The following OPCML variants were observed in gnomAD, a reference collection of about 807,000 sequenced individuals.
OPCML encodes opioid-binding protein/cell adhesion molecule.
In OPCML, 13 loss-of-function variants were observed where a neutral mutation model predicts 37.8. That is an observed-to-expected ratio of 0.34 (90% CI 0.22 to 0.55). The LOEUF is 0.55. Among genes scored for constraint, OPCML ranks in the 20% least tolerant of loss-of-function variants. The pLI is 0.91. For synonymous variants in OPCML, 176 were observed against 168.8 expected (o/e 1.04, Z -0.33); for missense variants, 341 against 435.6 (o/e 0.78, Z 1.93).
At chr11:132,605,249 T>A (rs1235567094) in intron 3 of OPCML, among the ~76,000 whole-genome samples, 2 of 152,076 alleles carry the variant, frequency 1.3e-5, no homozygotes, top group Non-Finnish European at 2.9e-5. Context: ...AAATAATTTG[T>A]TTCCATGGTT....
intron 1 of OPCML, among the ~76,000 whole-genome samples, chr11:133,493,280 C>G (rs918936165): frequency 1.3e-5 from 2 of 152,246 alleles, no homozygotes; most frequent in Non-Finnish European, 2.9e-5. Context: ...CAGGGGCCAC[C>G]CAGCACCCTT....
At chr11:133,181,342 T>A (rs1937821453) in intron 1 of OPCML, among the ~76,000 whole-genome samples, 1 of 146,464 alleles carries the variant, frequency 6.8e-6, no homozygotes, top group Non-Finnish European at 1.5e-5. Flanking sequence ...TCTACTAGAG[T>A]TTGATAAGAT....
chr11:132,502,270 TTGGTCC>T (rs1316950798), intron 4 of OPCML, among the ~76,000 whole-genome samples: 1 of 152,208 alleles, frequency 6.6e-6, no homozygotes, highest in African/African-American at 2.4e-5. Context: ...CTTGTTGTCT[TTGGTCC>T]TTTCCTTCCC....
chr11:132,469,268 A>G (rs2096128256), intron 4 of OPCML, among the ~76,000 whole-genome samples: 1 of 152,242 alleles, frequency 6.6e-6, no homozygotes, highest in Non-Finnish European at 1.5e-5. Flanking sequence ...TAAAAGTGAA[A>G]CAAGGTGATG....
At chr11:133,221,158 C>T (rs1800678279) in intron 1 of OPCML, among the ~76,000 whole-genome samples, 1 of 152,170 alleles carries the variant, frequency 6.6e-6, no homozygotes, top group South Asian at 2.1e-4. Flanking sequence ...GCTGGCCATA[C>T]CCCGTCAACC....
Position 133,102,867 on chromosome 11 carries a change from T to G in OPCML, c.62-159857A>C, listed in dbSNP as rs116914771. Among the ~76,000 whole-genome samples, 75 of 152,318 alleles carry G rather than the reference T, an allele frequency of 4.9e-4. No individual in the cohort carries two copies. In the East Asian group the frequency reaches 0.014, roughly 29 times the overall value. ...GTTGATGTGAAATCTGAGATCTCTC[T>G]AAATGAGATAGAATTATGACTATGG... On this transcript the variant is annotated intron_variant, in intron 1 of 7. Transcript: ENST00000524381.
intron 2 of OPCML, among the ~76,000 whole-genome samples, chr11:132,768,491 C>T (rs569862830): frequency 6.6e-6 from 1 of 151,542 alleles, no homozygotes; most frequent in Non-Finnish European, 1.5e-5. Flanking sequence ...TGGGTACTGT[C>T]CATTAAAATA....
chr11:132,771,113 T>C (rs1367418523), intron 2 of OPCML, among the ~76,000 whole-genome samples: 1 of 152,204 alleles, frequency 6.6e-6, no homozygotes, highest in Non-Finnish European at 1.5e-5. Flanking sequence ...TTGAGGGCTA[T>C]GTGAAAATAA....
intron 1 of OPCML, among the ~76,000 whole-genome samples, chr11:133,195,838 A>G (rs1219527794): frequency 1.3e-5 from 2 of 152,238 alleles, no homozygotes; most frequent in Non-Finnish European, 2.9e-5. Flanking sequence ...TATATGCTCA[A>G]TGAATATCTG....
intron 1 of OPCML, among the ~76,000 whole-genome samples, chr11:133,042,100 G>A (rs958668246): frequency 2.0e-5 from 3 of 152,088 alleles, no homozygotes; most frequent in South Asian, 2.1e-4. Flanking sequence ...CCACCATTAG[G>A]CCCACAGTCA....
At chr11:133,463,176 A>G (rs1946897838) in intron 1 of OPCML, among the ~76,000 whole-genome samples, 1 of 149,662 alleles carries the variant, frequency 6.7e-6, no homozygotes, top group Non-Finnish European at 1.5e-5. Flanking sequence ...AGTTAAAAAA[A>G]CAAAAAAAAA....
chr11:132,515,212 C>T (rs1317827149), intron 4 of OPCML, among the ~76,000 whole-genome samples: 2 of 152,134 alleles, frequency 1.3e-5, no homozygotes, highest in African/African-American at 2.4e-5. Context: ...CTATTTTCAG[C>T]ACCCCAGGAG....
chr11:132,717,248 G>A (rs1944526807), intron 2 of OPCML, among the ~76,000 whole-genome samples: 1 of 151,838 alleles, frequency 6.6e-6, no homozygotes, highest in Non-Finnish European at 1.5e-5. Flanking sequence ...ATCTGAGGTG[G>A]GAATATAAAT....
chr11:132,721,754 G>A (rs560665646), intron 2 of OPCML, among the ~76,000 whole-genome samples: 85 of 152,144 alleles, frequency 5.6e-4, no homozygotes, highest in South Asian at 3.9e-3. Flanking sequence ...TGCTGTTGAC[G>A]AAGACTGAAT....
chr11:133,055,576 G>C (rs985657247), intron 1 of OPCML, among the ~76,000 whole-genome samples: 8 of 150,132 alleles, frequency 5.3e-5, no homozygotes, highest in Non-Finnish European at 1.0e-4. Context: ...CAAGTAGTGA[G>C]ACTCCATGAG....
At chr11:132,802,659 G>A (rs1204698169) in intron 2 of OPCML, among the ~76,000 whole-genome samples, 2 of 152,140 alleles carry the variant, frequency 1.3e-5, no homozygotes, top group African/African-American at 4.8e-5. Context: ...ATATTCACTG[G>A]ACGACTCTAG....
chr11:133,413,321 C>T (rs533721877), intron 1 of OPCML, among the ~76,000 whole-genome samples: 1 of 148,514 alleles, frequency 6.7e-6, no homozygotes, highest in Non-Finnish European at 1.5e-5. Flanking sequence ...CACTCTGGGG[C>T]CTGTTGTGGG....
At position 132,615,961 on chromosome 11, in the gene OPCML, G is replaced by A. The variant is rs78225527; in HGVS notation, c.379+41126C>T. ...ATGCATAAAAGTAAAGTGAAAGGAC[G>A]GAGAGCCAATGAATCTAGGCTACAC... On this transcript the variant is annotated intron_variant, in intron 3 of 7. Transcript: ENST00000524381. 2.8e-3 allele frequency among the ~76,000 whole-genome samples: 430 copies of A among 152,268 alleles called. 3 individuals are homozygous for A. The highest frequency in any genetic ancestry group is 8.1e-3 in the African/African-American group (335 of 41,542).
intron 2 of OPCML, among the ~76,000 whole-genome samples, chr11:132,896,974 C>T (rs1250395034): frequency 6.6e-6 from 1 of 152,168 alleles, no homozygotes; most frequent in African/African-American, 2.4e-5. Flanking sequence ...ATTTTGCAGG[C>T]AACACATTCC....
Sources: gnomAD v4.1 joint callset for allele counts (sites outside exome capture counted in the v4.1 genomes callset) on GRCh38, gnomAD v4.1.1 for gene constraint, MANE v1.5 for transcripts, NCBI Gene and HGNC (gene_info 2026-07-23, HGNC 2026-07-21) for gene names.